The following ALOX5AP variants were observed in gnomAD, a reference collection of about 807,000 sequenced individuals.
ALOX5AP encodes arachidonate 5-lipoxygenase-activating protein.
ALOX5AP carries 9 observed loss-of-function variants against 18.5 expected under a neutral mutation model. That is an observed-to-expected ratio of 0.49 (90% CI 0.29 to 0.85). The LOEUF (loss-of-function observed/expected upper bound fraction) is 0.85. Ranked by LOEUF, ALOX5AP falls within the 40% of genes least tolerant of loss-of-function variation. ALOX5AP has a pLI of 0.08. For synonymous variants in ALOX5AP, 81 were observed against 78.6 expected, an observed-to-expected ratio of 1.03 and a Z score of -0.16; for missense variants, 172 against 202.5, an observed-to-expected ratio of 0.85 and a Z score of 0.91.
chr13:30,755,875 C>T, intron 3 of ALOX5AP, 69 bp from the exon 4 acceptor site: 2 of 1,461,784 alleles, frequency 1.4e-6, no homozygotes, highest in Non-Finnish European at 1.9e-6. Context: ...ATGTTGATTG[C>T]CTAATTGGGC....
rs1328373246 is a variant in ALOX5AP at position 30,736,506 on chromosome 13, G to GA, written c.70+838dup. Among the ~76,000 whole-genome samples the GA allele has an allele frequency of 7.9e-5, 12 of 152,214 alleles. No individual in the cohort carries two copies. In the South Asian group the frequency reaches 2.3e-3, roughly 29 times the overall value. On this transcript the variant is annotated intron_variant, in intron 1 of 4. Coordinates refer to ENST00000380490, the MANE Select transcript of ALOX5AP (RefSeq NM_001629.4). The stretch of plus-strand genomic sequence containing the variant: ...TGTGTTTTATATTTATTAAGATAGA[G>GA]AAAAAAAGAGTAATTACTAAGGGCA...
chr13:30,762,482 A>G (rs559310159), intron 4 of ALOX5AP, among the ~76,000 whole-genome samples: 4 of 151,974 alleles, frequency 2.6e-5, no homozygotes, highest in South Asian at 4.2e-4. Flanking sequence ...CCAGCTACTC[A>G]GGAGGCTGAG....
At chr13:30,749,323 G>T (rs17245526) in intron 2 of ALOX5AP, among the ~76,000 whole-genome samples, 354 of 152,134 alleles carry the variant, frequency 2.3e-3, no homozygotes, top group Non-Finnish European at 2.8e-3. Flanking sequence ...CCAAAGACCC[G>T]AAACATGAGA....
Position 30,744,073 on chromosome 13 carries a change from T to C in ALOX5AP, c.84T>C (p.His28=). The C allele has an allele frequency of 1.9e-6, 3 of 1,614,002 alleles. No individual in the cohort carries two copies. The highest frequency in any genetic ancestry group is 1.7e-6 in the Non-Finnish European group (2 of 1,179,918). The change falls in exon 2 of 5, where the codon CAT becomes CAC. Residue 28 remains histidine, a synonymous_variant. Transcript: ENST00000380490. The part of the protein sequence containing the change: ...ISVVQNGFFA[H]KVEHESRTQN... The stretch of plus-strand genomic sequence containing the variant: ...TTCCCTTGGCAGGATTCTTTGCCCA[T>C]AAAGTGGAGCACGAAAGCAGGACCC...
chr13:30,725,620 A>C (rs1025138241), intron 1 of ALOX5AP, among the ~76,000 whole-genome samples: 4 of 152,254 alleles, frequency 2.6e-5, no homozygotes, highest in African/African-American at 9.6e-5. Context: ...GACCATTTCC[A>C]TCATGGAAGG....
chr13:30,762,370 C>A (rs556272659), intron 4 of ALOX5AP, among the ~76,000 whole-genome samples: 4 of 152,138 alleles, frequency 2.6e-5, no homozygotes, highest in Non-Finnish European at 2.9e-5. Flanking sequence ...GGGCAGATCA[C>A]CTGAGGTCAG....
intron 4 of ALOX5AP, among the ~76,000 whole-genome samples, chr13:30,759,124 G>T (rs925813392): frequency 3.9e-5 from 6 of 152,160 alleles, no homozygotes; most frequent in African/African-American, 1.4e-4. Context: ...TGCCCAGCCT[G>T]AATCTTGGTT....
At chr13:30,734,373 G>T (rs542797429), upstream of ALOX5AP, among the ~76,000 whole-genome samples, 7 of 152,278 alleles carry the variant, frequency 4.6e-5, no homozygotes, top group Middle Eastern at 6.8e-3. Flanking sequence ...GACCTCTTCC[G>T]TGCCGAGATG....
At chr13:30,725,786 T>C (rs1234749448) in intron 1 of ALOX5AP, among the ~76,000 whole-genome samples, 1 of 152,184 alleles carries the variant, frequency 6.6e-6, no homozygotes, top group African/African-American at 2.4e-5. Context: ...GGAAGTAATC[T>C]TACAGCAAAG....
chr13:30,746,638 C>CA (rs1440465587), intron 2 of ALOX5AP, among the ~76,000 whole-genome samples: 1 of 152,218 alleles, frequency 6.6e-6, no homozygotes, highest in Non-Finnish European at 1.5e-5. Context: ...AAAGTCGTCC[C>CA]AGCAGCAGCT....
intron 2 of ALOX5AP, 187 bp downstream of exon 2, chr13:30,744,346 A>G: frequency 3.6e-6 from 2 of 551,520 alleles, no homozygotes; most frequent in Non-Finnish European, 6.6e-6. Context: ...AGTGAGTGCT[A>G]GTGTCAAAAC....
At chr13:30,763,640 G>C (rs555548573) in intron 4 of ALOX5AP, among the ~76,000 whole-genome samples, 1 of 152,278 alleles carries the variant, frequency 6.6e-6, no homozygotes. Flanking sequence ...CCATCTTCAG[G>C]CCATCAAGGA....
At chr13:30,748,976 G>T (rs2137819262) in intron 2 of ALOX5AP, among the ~76,000 whole-genome samples, 1 of 152,346 alleles carries the variant, frequency 6.6e-6, no homozygotes, top group South Asian at 2.1e-4. Context: ...TCCAGGAGGG[G>T]CACATAAGCT....
chr13:30,731,552 G>A (rs2137797787), upstream of ALOX5AP, among the ~76,000 whole-genome samples: 1 of 152,162 alleles, frequency 6.6e-6, no homozygotes, highest in South Asian at 2.1e-4. Context: ...TACTTTTGTA[G>A]AGTTGGGGGT....
exon 1 of ALOX5AP, chr13:30,713,633 G>C: frequency 1.1e-6 from 1 of 902,624 alleles, no homozygotes; most frequent in Admixed American, 2.2e-5. Context: ...CGTTTTTGAA[G>C]AGGAGGACCC....
chr13:30,720,268 C>T (rs184141173), intron 1 of ALOX5AP, among the ~76,000 whole-genome samples: 39 of 152,328 alleles, frequency 2.6e-4, no homozygotes, highest in Non-Finnish European at 1.6e-4. Flanking sequence ...TACTTAAACC[C>T]TCTGGCTACC....
upstream of ALOX5AP, among the ~76,000 whole-genome samples, chr13:30,734,978 C>A (rs1014788042): frequency 1.3e-5 from 2 of 152,038 alleles, no homozygotes; most frequent in African/African-American, 4.8e-5. Flanking sequence ...GTGTTCTATA[C>A]ATTTTTTTAA....
At chr13:30,751,317 C>T (rs1052608308) in intron 2 of ALOX5AP, among the ~76,000 whole-genome samples, 3 of 152,220 alleles carry the variant, frequency 2.0e-5, no homozygotes, top group African/African-American at 7.2e-5. Flanking sequence ...CTGCCTCAGC[C>T]TCCCAAATTG....
chr13:30,713,854 G>A lies in ALOX5AP; in HGVS notation c.116+13G>A, dbSNP rs938628519. The A allele has an allele frequency of 1.6e-5, 24 of 1,534,932 alleles. No individual in the cohort carries two copies. In the Admixed American group the frequency reaches 2.7e-4, roughly 18 times the overall value. On this transcript the variant is annotated intron_variant, in intron 1 of 5. Transcript: ENST00000617770. ...GCCATCAGTGCTGGTGTGTGTGTGTGTGCGCGCACACGCGCATGTGTGTGC... is the reference window on the plus strand; with the variant it reads ...GCCATCAGTGCTGGTGTGTGTGTGTATGCGCGCACACGCGCATGTGTGTGC...
Sources: gnomAD v4.1 joint callset for allele counts (sites outside exome capture counted in the v4.1 genomes callset) on GRCh38, gnomAD v4.1.1 for gene constraint, MANE v1.5 for transcripts, NCBI Gene and HGNC (gene_info 2026-07-23, HGNC 2026-07-21) for gene names.